Variants in CACNA1E observed in about 807,000 individuals in gnomAD.
CACNA1E encodes the protein voltage-dependent R-type calcium channel subunit alpha-1E.
A neutral mutation model predicts 259.2 loss-of-function variants in CACNA1E; 40 were observed. That is an observed-to-expected ratio of 0.15 (90% CI 0.12 to 0.20). The LOEUF (loss-of-function observed/expected upper bound fraction) is 0.20. Among genes scored for constraint, CACNA1E ranks in the 10% least tolerant of loss-of-function variants. The pLI, the probability that CACNA1E is intolerant of heterozygous loss-of-function variation, is 1.00. For synonymous variants in CACNA1E, 1,104 were observed against 1,138.5 expected (o/e 0.97, Z 0.61); for missense variants, 1,874 against 3,040.1 (o/e 0.62, Z 9.02).
chr1:181,784,836 G>T, intron 41 of CACNA1E, 68 bp downstream of exon 41: 1 of 912,672 alleles, frequency 1.1e-6, no homozygotes, highest in Non-Finnish European at 1.7e-6. Context: ...TCTTTGGGGG[G>T]AACCCAGAGT....
At chr1:181,440,197 G>A (rs1472330494) in intron 2 of CACNA1E, among the ~76,000 whole-genome samples, 1 of 152,210 alleles carries the variant, frequency 6.6e-6, no homozygotes, top group East Asian at 1.9e-4. Flanking sequence ...TTGCATGAGT[G>A]TGCGGGGGAA....
At chr1:181,724,443 T>C (rs750426561) in intron 16 of CACNA1E, 27 bp from the exon 17 acceptor site, 2 of 1,601,362 alleles carry the variant, frequency 1.2e-6, no homozygotes, top group Non-Finnish European at 1.7e-6. Flanking sequence ...CTTTTCTTAT[T>C]TGCCCATCCT....
rs1659126202 is a variant in CACNA1E, at chr1:181,425,662, G to T, written c.434+12082G>T. ...AGAAGGCTGAGGCGCAGAGAAGGAG[G>T]TGGGCGTGGGGCACCCTTCTGAGGA... On this transcript the variant is annotated intron_variant, in intron 2 of 11. Transcript: ENST00000524607. Among the ~76,000 whole-genome samples, 3 of 152,014 alleles carry T rather than the reference G, an allele frequency of 2.0e-5. No homozygotes were observed. The South Asian group carries it at 6.2e-4, about 32-fold the overall frequency.
chr1:181,752,546 C>T (rs890418593), intron 27 of CACNA1E, among the ~76,000 whole-genome samples: 28 of 152,138 alleles, frequency 1.8e-4, no homozygotes, highest in Non-Finnish European at 4.0e-4. Context: ...ATGTCTATGT[C>T]CCCAGTGCAG....
intron 1 of CACNA1E, among the ~76,000 whole-genome samples, chr1:181,374,454 T>C (rs1405888728): frequency 7.3e-6 from 1 of 136,882 alleles, no homozygotes; most frequent in African/African-American, 2.7e-5. Flanking sequence ...AGCTGAGATA[T>C]CCCAAAAGAA....
chr1:181,575,045 A>G (rs1481221412), intron 3 of CACNA1E, among the ~76,000 whole-genome samples: 1 of 150,352 alleles, frequency 6.7e-6, no homozygotes, highest in Non-Finnish European at 1.5e-5. Context: ...AAAGAATCCC[A>G]TTGTCCCTGC....
chr1:181,676,653 A>G (rs995117890), intron 7 of CACNA1E, among the ~76,000 whole-genome samples: 8 of 152,214 alleles, frequency 5.3e-5, no homozygotes, highest in African/African-American at 1.7e-4. Flanking sequence ...CTAGACTCCA[A>G]CGAATAGCTG....
At chr1:181,419,571 A>C (rs540733436) in intron 2 of CACNA1E, among the ~76,000 whole-genome samples, 2 of 152,214 alleles carry the variant, frequency 1.3e-5, no homozygotes, top group Non-Finnish European at 2.9e-5. Flanking sequence ...ACACACATAC[A>C]TACAAGCACA....
At chr1:181,524,176 C>T (rs1166043725) in intron 3 of CACNA1E, among the ~76,000 whole-genome samples, 4 of 152,234 alleles carry the variant, frequency 2.6e-5, no homozygotes, top group African/African-American at 2.4e-5. Context: ...GGCTTATGCT[C>T]ATCCCTCAAC....
intron 1 of CACNA1E, among the ~76,000 whole-genome samples, chr1:181,378,736 A>C (rs181602048): frequency 5.4e-4 from 83 of 152,344 alleles, no homozygotes; most frequent in Non-Finnish European, 9.0e-4. Context: ...GGAAACCTCA[A>C]GATTCAAGGA....
intron 1 of CACNA1E, among the ~76,000 whole-genome samples, chr1:181,498,008 G>A (rs1189773166): frequency 6.6e-6 from 1 of 152,102 alleles, no homozygotes; most frequent in Non-Finnish European, 1.5e-5. Flanking sequence ...TCCTTTATCT[G>A]TCTGCAGAGC....
chr1:181,591,540 T>G (rs1252816233), intron 6 of CACNA1E, among the ~76,000 whole-genome samples: 1 of 152,088 alleles, frequency 6.6e-6, no homozygotes, highest in African/African-American at 2.4e-5. Flanking sequence ...TGATATTGAA[T>G]AAATGTTCTT....
chr1:181,568,584 GTTCATTCA>G (rs139859676), intron 3 of CACNA1E, among the ~76,000 whole-genome samples: 4 of 151,522 alleles, frequency 2.6e-5, no homozygotes, highest in Non-Finnish European at 4.4e-5. Context: ...CTTCAGATCT[GTTCATTCA>G]TTCATTCATT....
chr1:181,375,059 G>A (rs1366839123), intron 1 of CACNA1E, among the ~76,000 whole-genome samples: 1 of 152,158 alleles, frequency 6.6e-6, no homozygotes, highest in East Asian at 1.9e-4. Flanking sequence ...TGCCATAAAT[G>A]TCTTCTCAGT....
In CACNA1E at chr1:181,785,418, G is replaced by T; in HGVS notation, c.5679G>T (p.Gln1893His). 1 of 1,599,430 alleles carries T rather than the reference G, an allele frequency of 6.3e-7. No homozygotes were observed. Among genetic ancestry groups the T allele is most frequent in the Admixed American group, 1.7e-5 (1 of 59,678 alleles). Residue 1893 changes from glutamine (Q) to histidine (H), a missense_variant and splice_region_variant, in exon 42 of 48, where the codon CAG becomes CAT. Gln to His is a conservative substitution (Grantham distance 24, BLOSUM62 0). Coordinates refer to ENST00000367573, the MANE Select transcript of CACNA1E (RefSeq NM_001205293.3). ...VKKQRQQLEE[Q>H]KNAPMFQRME... Reference sequence around the variant, plus strand: ...AGCAGAGGCAGCAGCTGGAGGAACAGGTGAAAGTCAATGCCAGCATGCTAA... The same window carrying T: ...AGCAGAGGCAGCAGCTGGAGGAACATGTGAAAGTCAATGCCAGCATGCTAA...
chr1:181,579,366 C>G lies in CACNA1E; in HGVS notation c.769+142C>G, dbSNP rs74130053. 2.0e-3 allele frequency: 1,305 copies of G among 666,334 alleles called. 7 individuals are homozygous for G. The African/African-American group carries it at 0.021, about 11-fold the overall frequency. The allele number at this position is 666,334 out of a possible 1,614,324, so 41.3% of individuals were successfully genotyped here. A position where few individuals can be genotyped will look rare whatever the true frequency, so the allele number is the denominator to read the frequency against. On this transcript the variant is annotated intron_variant, in intron 5 of 47. Transcript: ENST00000367573. ...GAATCAGAAGCTTCTAGTCAGCAGCCTTTTGAGGCACAGTCAACCAAGACT... is the reference window on the plus strand; with the variant it reads ...GAATCAGAAGCTTCTAGTCAGCAGCGTTTTGAGGCACAGTCAACCAAGACT...
intron 1 of CACNA1E, among the ~76,000 whole-genome samples, chr1:181,359,019 A>T (rs982920454): frequency 6.6e-6 from 1 of 152,182 alleles, no homozygotes; most frequent in Admixed American, 6.5e-5. Context: ...GCTATGTTTG[A>T]TCAGTGGCTT....
At chr1:181,337,257 G>A (rs1307653606) in intron 1 of CACNA1E, among the ~76,000 whole-genome samples, 4 of 151,056 alleles carry the variant, frequency 2.6e-5, no homozygotes, top group South Asian at 2.1e-4. Flanking sequence ...CCAGGTTCAC[G>A]CCATTCTCCT....
In CACNA1E at chr1:181,732,850, C is replaced by A. The variant is rs767745136; in HGVS notation, c.2764C>A (p.Arg922=). 9.9e-6 allele frequency: 16 copies of A among 1,613,654 alleles called. No homozygotes were observed. The highest frequency in any genetic ancestry group is 1.3e-5 in the African/African-American group (1 of 74,932). ...ARHRQSQRRS[R]HRRVRTEGKE... Reference sequence around the variant, plus strand: ...GCACAGGCAGAGCCAACGGCGCAGCCGGCATCGCCGCGTCAGGACAGAAGG... The same window carrying A: ...GCACAGGCAGAGCCAACGGCGCAGCAGGCATCGCCGCGTCAGGACAGAAGG... The change falls in exon 20 of 48, where the codon CGG becomes AGG. Residue 922 remains arginine (R), a synonymous_variant. Coordinates refer to ENST00000367573, the MANE Select transcript of CACNA1E (RefSeq NM_001205293.3). This position sits in a 1 kb window ranked among gnomAD's most constrained non-coding sequence, Gnocchi z 5.5.
Sources: gnomAD v4.1 joint callset for allele counts (sites outside exome capture counted in the v4.1 genomes callset) on GRCh38, gnomAD v4.1.1 for gene constraint, Gnocchi (gnomAD v3.1) non-coding constraint, MANE v1.5 for transcripts, NCBI Gene and HGNC (gene_info 2026-07-23, HGNC 2026-07-21) for gene names.